GTF2E1: variants seen among roughly 807,000 people sequenced by gnomAD.
The protein encoded by GTF2E1 is general transcription factor IIE subunit 1, also known as TFIIE alpha subunit.
GTF2E1 carries 14 observed loss-of-function variants against 34.9 expected under a neutral mutation model. That is an observed-to-expected ratio of 0.40 (90% CI 0.27 to 0.63). GTF2E1 has a LOEUF of 0.63. GTF2E1 is among the 20% of genes least tolerant of loss of function. GTF2E1 has a pLI of 0.39. For synonymous variants in GTF2E1, 188 were observed against 192.9 expected (o/e 0.97, Z 0.21); for missense variants, 469 against 557.7 (o/e 0.84, Z 1.60).
At position 120,760,070 on chromosome 3, in the gene GTF2E1, A is replaced by G. The variant is rs552507539; in HGVS notation, c.448+9070A>G. 2.6e-5 allele frequency among the ~76,000 whole-genome samples: 4 copies of G among 152,334 alleles called. No homozygotes were observed. In the East Asian group the frequency reaches 7.7e-4, roughly 29 times the overall value. Reference sequence around the variant, plus strand: ...ACGATATTGATTCTTCCTATCCTTGAGCATGGAATGTTCTTCCATTTGTGT... The same window carrying G: ...ACGATATTGATTCTTCCTATCCTTGGGCATGGAATGTTCTTCCATTTGTGT... On this transcript the variant is annotated intron_variant, in intron 2 of 4. Coordinates refer to ENST00000283875, the MANE Select transcript of GTF2E1 (RefSeq NM_005513.3).
chr3:120,761,776 T>C, intron 2 of GTF2E1, among the ~76,000 whole-genome samples: 1 of 151,126 alleles, frequency 6.6e-6, no homozygotes, highest in Admixed American at 6.6e-5. Context: ...TACACTGTGG[T>C]CTGAGAGACA....
In GTF2E1 at chr3:120,746,069, C is replaced by T. The variant is rs115702323; in HGVS notation, c.-31+3275C>T. ...TACAGGAAGGGCCTTATATTTTCCC[C>T]CCAAAATATATGCATAGATTGGTTA... On this transcript the variant is annotated intron_variant, in intron 1 of 4. Coordinates refer to ENST00000283875, the MANE Select transcript of GTF2E1 (RefSeq NM_005513.3). 3.7e-3 allele frequency among the ~76,000 whole-genome samples: 568 copies of T among 152,036 alleles called. 2 individuals are homozygous for T. The highest frequency in any genetic ancestry group is 6.9e-3 in the Non-Finnish European group (471 of 67,976).
Position 120,744,658 on chromosome 3 carries a change from A to C in GTF2E1, c.-31+1864A>C, listed in dbSNP as rs376524412. Among the ~76,000 whole-genome samples the C allele has an allele frequency of 5.3e-5, 8 of 151,852 alleles. No homozygotes were observed. The East Asian group carries it at 1.5e-3, about 29-fold the overall frequency. ...GGGTCCTTTTGATTTTTTTTTCTGT[A>C]ATAACTTTCATTCATTCTGTTCTCT... is the stretch of plus-strand genomic sequence containing the variant. On this transcript the variant is annotated intron_variant, in intron 1 of 4. Transcript: ENST00000283875.
rs1709449284 is a variant in GTF2E1 at position 120,781,663 on chromosome 3, C to T, written c.*193C>T. 1 of 583,826 alleles carries T rather than the reference C, an allele frequency of 1.7e-6. No homozygotes were observed. The highest frequency in any genetic ancestry group is 3.0e-6 in the Non-Finnish European group (1 of 327,948). The allele number at this position is 583,826 out of a possible 1,614,324, so 36.2% of individuals were successfully genotyped here. ...CCAGCAAGGTAGGGTGCTGAGAATC[C>T]TACCCTTCCTTGCTGTCACTACAGT... is the stretch of plus-strand genomic sequence containing the variant. On this transcript the variant is annotated 3_prime_UTR_variant, in exon 5 of 5. Coordinates refer to ENST00000283875, the MANE Select transcript of GTF2E1 (RefSeq NM_005513.3).
chr3:120,782,122 C>A lies in GTF2E1; in HGVS notation c.*652C>A, dbSNP rs1373510261. ...GGTTACAATAATTCACTGATCACAT[C>A]CATTTTATCTGTTCTAGCCAGGCAT... On this transcript the variant is annotated 3_prime_UTR_variant, in exon 5 of 5. Coordinates refer to ENST00000283875, the MANE Select transcript of GTF2E1 (RefSeq NM_005513.3). The A allele has an allele frequency of 1.3e-5, 2 of 152,196 alleles. No individual in the cohort carries two copies. Among genetic ancestry groups the A allele is most frequent in the Admixed American group, 1.3e-4 (2 of 15,274 alleles). 9.4% of individuals were successfully genotyped at this position (152,196 alleles called of 1,614,324 possible).
chr3:120,770,230 A>G (rs1412095045), intron 2 of GTF2E1, among the ~76,000 whole-genome samples: 2 of 152,166 alleles, frequency 1.3e-5, no homozygotes, highest in African/African-American at 2.4e-5. Flanking sequence ...GAGTTTTAGC[A>G]TAATAGATTG....
At chr3:120,759,645 C>T (rs1709240672) in intron 2 of GTF2E1, among the ~76,000 whole-genome samples, 1 of 152,150 alleles carries the variant, frequency 6.6e-6, no homozygotes, top group African/African-American at 2.4e-5. Flanking sequence ...TCAATTTCAG[C>T]TTTCTACATA....
intron 4 of GTF2E1, among the ~76,000 whole-genome samples, chr3:120,780,042 C>T (rs1709433483): frequency 1.3e-5 from 2 of 152,164 alleles, no homozygotes; most frequent in Admixed American, 6.5e-5. Flanking sequence ...AGAGAAGCTT[C>T]ATTCCTAAAA....
rs1709403323 is a variant in GTF2E1, at chr3:120,776,635, G to A, written c.863G>A (p.Gly288Glu). The change falls in exon 4 of 5, where the codon GGG (glycine) becomes GAG (glutamate). Residue 288 changes from glycine to glutamate, a missense_variant. Transcript: ENST00000283875. The stretch of plus-strand genomic sequence containing the variant: ...TGGTTGAGAGAAAGCACTGTCCAAG[G>A]GGCATATGGTTCTGAAGATATGAAA... ...PIWLRESTVQ[G>E]AYGSEDMKEG... The A allele has an allele frequency of 6.2e-7, 1 of 1,613,584 alleles. No homozygotes were observed. Among genetic ancestry groups the A allele is most frequent in the Non-Finnish European group, 8.5e-7 (1 of 1,179,750 alleles).
intron 4 of GTF2E1, among the ~76,000 whole-genome samples, chr3:120,779,337 G>A (rs1559835711): frequency 1.3e-5 from 2 of 152,192 alleles, no homozygotes; most frequent in Non-Finnish European, 2.9e-5. Context: ...AGGCTTGCAT[G>A]CATTCCTTAC....
chr3:120,756,151 G>A (rs1709207207), intron 2 of GTF2E1, among the ~76,000 whole-genome samples: 1 of 152,108 alleles, frequency 6.6e-6, no homozygotes, highest in Non-Finnish European at 1.5e-5. Context: ...GGATCATATG[G>A]TAGCTTTATT....
rs761470378 is a variant in GTF2E1 at position 120,781,059 on chromosome 3, C to T, written c.909C>T (p.Asp303=). The T allele has an allele frequency of 2.7e-5, 44 of 1,611,010 alleles. No homozygotes were observed. Among genetic ancestry groups the T allele is most frequent in the South Asian group, 5.5e-5 (5 of 90,926 alleles). ...ACTCCCCAGGGGGCATAGATATGGA[C>T]GCATTTCAGGAGCGTGAGGAAGGCC... The part of the protein sequence containing the change: ...EDMKEGGIDM[D]AFQEREEGHA... Residue 303 remains aspartate (D), a synonymous_variant, in exon 5 of 5, where the codon GAC becomes GAT. Coordinates refer to ENST00000283875, the MANE Select transcript of GTF2E1 (RefSeq NM_005513.3).
At chr3:120,761,219 A>G (rs929278949) in intron 2 of GTF2E1, among the ~76,000 whole-genome samples, 1 of 152,112 alleles carries the variant, frequency 6.6e-6, no homozygotes, top group African/African-American at 2.4e-5. Flanking sequence ...CGTTGTTTAT[A>G]GTATTCTCTG....
At chr3:120,751,100 T>C in intron 2 of GTF2E1, 100 bp downstream of exon 2, 3 of 707,878 alleles carry the variant, frequency 4.2e-6, no homozygotes, top group Non-Finnish European at 6.9e-6. Context: ...TATATTATTA[T>C]AAAAGTGAAT....
At position 120,750,914 on chromosome 3, in the gene GTF2E1, C is replaced by G; in HGVS notation, c.362C>G (p.Ser121Trp). The G allele has an allele frequency of 6.2e-7, 1 of 1,613,882 alleles. No individual in the cohort carries two copies. Among genetic ancestry groups the G allele is most frequent in the South Asian group, 1.1e-5 (1 of 91,064 alleles). The change falls in exon 2 of 5, where the codon TCG becomes TGG. Residue 121 changes from serine to tryptophan, a missense_variant. Ser to Trp is a radical substitution (Grantham distance 177). Coordinates refer to ENST00000283875, the MANE Select transcript of GTF2E1 (RefSeq NM_005513.3). ...AGAATTGAGACCGATGAGAGAGATT[C>G]GACCAACCGGGCTTCCTTCAAATGT... ...RRRIETDERD[S>W]TNRASFKCPV...
At chr3:120,771,453 G>A (rs925204603) in intron 3 of GTF2E1, among the ~76,000 whole-genome samples, 1 of 152,058 alleles carries the variant, frequency 6.6e-6, no homozygotes, top group Admixed American at 6.6e-5. Flanking sequence ...CCTAATGTTT[G>A]AATTTCAGAG....
chr3:120,782,404 C>T lies in GTF2E1; in HGVS notation c.*934C>T, dbSNP rs1709456403. ...TAGATTTTATTGTATTGCTTAATGT[C>T]TTTTGGTTTGGATTTAGGATGATAG... On this transcript the variant is annotated 3_prime_UTR_variant, in exon 5 of 5. Coordinates refer to ENST00000283875, the MANE Select transcript of GTF2E1 (RefSeq NM_005513.3). The T allele has an allele frequency of 6.6e-6, 1 of 152,078 alleles. No homozygotes were observed. The highest frequency in any genetic ancestry group is 1.5e-5 in the Non-Finnish European group (1 of 68,020). 9.4% of individuals were successfully genotyped at this position (152,078 alleles called of 1,614,324 possible). A position where few individuals can be genotyped will look rare whatever the true frequency, so the allele number is the denominator to read the frequency against.
At chr3:120,778,327 A>G (rs987349319) in intron 4 of GTF2E1, among the ~76,000 whole-genome samples, 1 of 152,218 alleles carries the variant, frequency 6.6e-6, no homozygotes, top group African/African-American at 2.4e-5. Flanking sequence ...ATAAAATAGG[A>G]TAGTATGTTG....
At chr3:120,779,956 A>C (rs1709432806) in intron 4 of GTF2E1, among the ~76,000 whole-genome samples, 1 of 152,270 alleles carries the variant, frequency 6.6e-6, no homozygotes, top group Admixed American at 6.5e-5. Context: ...TGCAGAATGC[A>C]GATGGTTTTC....
Sources: allele counts gnomAD v4.1 joint callset (sites outside exome capture counted in the v4.1 genomes callset), GRCh38; gene constraint gnomAD v4.1.1; transcripts MANE v1.5; gene names NCBI Gene and HGNC (gene_info 2026-07-23, HGNC 2026-07-21).